NDUFA10: variants seen among roughly 807,000 people sequenced by gnomAD.
NDUFA10 encodes NADH:ubiquinone oxidoreductase subunit A10.
In NDUFA10, 40 loss-of-function variants were observed where a neutral mutation model predicts 47.8. That is an observed-to-expected ratio of 0.84 (90% CI 0.65 to 1.09). The LOEUF is 1.09. NDUFA10 is among the 50% of genes least tolerant of loss of function. NDUFA10 has a pLI of 0.00. For synonymous variants in NDUFA10, 183 were observed against 172.2 expected, an observed-to-expected ratio of 1.06 and a Z score of -0.49; for missense variants, 413 against 451.1, an observed-to-expected ratio of 0.92 and a Z score of 0.76.
chr2:239,990,035 T>C (rs1368032258), intron 9 of NDUFA10, 39 bp downstream of exon 9: 6 of 1,418,786 alleles, frequency 4.2e-6, no homozygotes, highest in Non-Finnish European at 5.0e-6. Context: ...TGCTGCAGAC[T>C]CATCCACTGG....
chr2:240,017,899 C>T (rs1697429866), intron 4 of NDUFA10: 2 of 1,564,340 alleles, frequency 1.3e-6, no homozygotes, highest in Admixed American at 1.9e-5. Flanking sequence ...GCTCCAGCCA[C>T]CCCAGTCTAC....
In NDUFA10 at chr2:239,990,172, T is replaced by G; in HGVS notation, c.901A>C (p.Lys301Gln). 1 of 1,611,836 alleles carries G rather than the reference T, an allele frequency of 6.2e-7. No homozygotes were observed. Among genetic ancestry groups the G allele is most frequent in the Non-Finnish European group, 8.5e-7 (1 of 1,178,026 alleles). Residue 301 changes from lysine to glutamine, a missense_variant, in exon 9 of 10, where the codon AAG (lysine) becomes CAG (glutamine). Transcript: ENST00000252711. Reference sequence around the variant, plus strand: ...CTTGTGTAATTCAGCACCTCAAACTTATCCTGAACCCTAAAAAATAAGACA... The same window carrying G: ...CTTGTGTAATTCAGCACCTCAAACTGATCCTGAACCCTAAAAAATAAGACA... ...LYHLRLLVQD[K>Q]FEVLNYTSIP...
intron 4 of NDUFA10, among the ~76,000 whole-genome samples, chr2:239,915,621 GAC>G (rs1461081138): frequency 7.3e-6 from 1 of 136,416 alleles, no homozygotes; most frequent in Non-Finnish European, 1.6e-5. Context: ...CACATACACA[GAC>G]ACACACAAAT....
At chr2:239,914,246 ACAG>A (rs1244304299) in intron 4 of NDUFA10, among the ~76,000 whole-genome samples, 1 of 151,826 alleles carries the variant, frequency 6.6e-6, no homozygotes, top group Non-Finnish European at 1.5e-5. Flanking sequence ...ATACACACAC[ACAG>A]AACACACACA....
Position 239,925,595 on chromosome 2 carries a change from T to C in NDUFA10, c.295-30281A>G, listed in dbSNP as rs1694052479. 2.6e-5 allele frequency among the ~76,000 whole-genome samples: 4 copies of C among 152,186 alleles called. No individual in the cohort carries two copies. The South Asian group carries it at 8.3e-4, about 32-fold the overall frequency. On this transcript the variant is annotated intron_variant, in intron 4 of 5. Transcript: ENST00000419408. Reference sequence around the variant, plus strand: ...AACTTGCAGAAAACAACAGAGAAGGTCATCTTTGAGATCTAGGGTTAGGTG... The same window carrying C: ...AACTTGCAGAAAACAACAGAGAAGGCCATCTTTGAGATCTAGGGTTAGGTG...
At chr2:239,944,209 T>A (rs1694407879) in intron 4 of NDUFA10, among the ~76,000 whole-genome samples, 1 of 152,212 alleles carries the variant, frequency 6.6e-6, no homozygotes, top group Admixed American at 6.5e-5. Flanking sequence ...CCTGCCAAGA[T>A]CCTGAGGCCA....
intron 8 of NDUFA10, among the ~76,000 whole-genome samples, chr2:239,995,999 C>T (rs1337559335): frequency 6.6e-6 from 1 of 152,164 alleles, no homozygotes; most frequent in African/African-American, 2.4e-5. Context: ...GAAATTTAAA[C>T]CCAACTCTCA....
chr2:239,941,789 A>T (rs899631417), intron 4 of NDUFA10, among the ~76,000 whole-genome samples: 10 of 152,280 alleles, frequency 6.6e-5, no homozygotes, highest in African/African-American at 2.2e-4. Context: ...TCCTCTCTTC[A>T]GAAAAACCAT....
At chr2:239,898,930 G>GGATGTGAAGGAGGGGTGTGATGGAGA (rs1693456007) in intron 4 of NDUFA10, among the ~76,000 whole-genome samples, 1 of 148,492 alleles carries the variant, frequency 6.7e-6, no homozygotes, top group African/African-American at 2.4e-5. Flanking sequence ...TGTGATGGAG[G>GGATGTGAAGGAGGGGTGTGATGGAGA]GGTGTGACGG....
chr2:239,925,192 A>C (rs1291116706), intron 4 of NDUFA10, among the ~76,000 whole-genome samples: 1 of 152,314 alleles, frequency 6.6e-6, no homozygotes, highest in East Asian at 1.9e-4. Context: ...AGCATATCTT[A>C]TATTTTATAT....
rs189717766 is a variant in NDUFA10 at position 239,970,264 on chromosome 2, G to A, written c.1000-9078C>T. 2.0e-5 allele frequency among the ~76,000 whole-genome samples: 3 copies of A among 151,300 alleles called. No homozygotes were observed. The East Asian group carries it at 5.8e-4, about 29-fold the overall frequency. ...TGGAATATCTTTTATGTGTTGGAGG[G>A]GAAAAAAAAACTGTCAACCTAGAAT... On this transcript the variant is annotated intron_variant, in intron 9 of 9. Coordinates refer to ENST00000252711, the MANE Select transcript of NDUFA10 (RefSeq NM_004544.4).
At chr2:239,942,498 G>A (rs148416331) in intron 4 of NDUFA10, among the ~76,000 whole-genome samples, 1 of 152,314 alleles carries the variant, frequency 6.6e-6, no homozygotes, top group East Asian at 1.9e-4. Context: ...CACTGTTTCG[G>A]TTCTGTTTGC....
At chr2:240,002,764 G>A (rs763720804) in intron 8 of NDUFA10, among the ~76,000 whole-genome samples, 16 of 152,076 alleles carry the variant, frequency 1.1e-4, no homozygotes, top group Admixed American at 2.0e-4. Flanking sequence ...TAACAGGGGG[G>A]CAGGAATTAA....
chr2:239,946,292 C>A (rs1355132259), intron 4 of NDUFA10, among the ~76,000 whole-genome samples: 1 of 152,244 alleles, frequency 6.6e-6, no homozygotes, highest in African/African-American at 2.4e-5. Context: ...CCGGCCCCAG[C>A]CCCAGCAGAC....
rs192111699 is a variant in NDUFA10 at position 239,939,168 on chromosome 2, C to T, written c.295-43854G>A. Reference sequence around the variant, plus strand: ...GATCCAGCTGCCCGCGTTTCATGCCCCGGGCACTGTCATGATCCTCACTGA... The same window carrying T: ...GATCCAGCTGCCCGCGTTTCATGCCTCGGGCACTGTCATGATCCTCACTGA... On this transcript the variant is annotated intron_variant, in intron 4 of 5. Transcript: ENST00000419408. 4.3e-3 allele frequency among the ~76,000 whole-genome samples: 651 copies of T among 152,326 alleles called. 2 individuals are homozygous for T. The highest frequency in any genetic ancestry group is 0.014 in the African/African-American group (582 of 41,562).
chr2:239,897,980 C>T (rs764348532), intron 4 of NDUFA10, among the ~76,000 whole-genome samples: 13 of 152,206 alleles, frequency 8.5e-5, no homozygotes, highest in African/African-American at 2.9e-4. Context: ...GGAGAAGGAA[C>T]CATCCCTACC....
intron 1 of NDUFA10, among the ~76,000 whole-genome samples, chr2:240,024,538 G>A (rs906491298): frequency 2.0e-5 from 3 of 152,218 alleles, no homozygotes; most frequent in East Asian, 1.9e-4. Context: ...TAATGGTGGA[G>A]ACATGCTATT....
chr2:239,898,891 G>C lies in NDUFA10; in HGVS notation c.295-3577C>G, dbSNP rs1011785274. Among the ~76,000 whole-genome samples the C allele has an allele frequency of 2.0e-5, 3 of 152,138 alleles. 1 individual carries two copies. Among genetic ancestry groups the C allele is most frequent in the Non-Finnish European group, 4.4e-5 (3 of 67,994 alleles). On this transcript the variant is annotated intron_variant, in intron 4 of 5. Coordinates refer to the NDUFA10 transcript ENST00000419408. ...TGTCTCCTTCTCTCCACATGTAAAG[G>C]GGTGTGAAGGAGGGGAGTGATGGAA... is the stretch of plus-strand genomic sequence containing the variant.
At chr2:239,909,979 T>C (rs1693721396) in intron 4 of NDUFA10, among the ~76,000 whole-genome samples, 1 of 148,290 alleles carries the variant, frequency 6.7e-6, no homozygotes, top group African/African-American at 2.5e-5. Context: ...TCAACATCAC[T>C]GGTCATTAGA....
Sources: gnomAD v4.1 joint callset for allele counts (sites outside exome capture counted in the v4.1 genomes callset) on GRCh38, gnomAD v4.1.1 for gene constraint, MANE v1.5 for transcripts, NCBI Gene and HGNC (gene_info 2026-07-23, HGNC 2026-07-21) for gene names.